The following COL15A1 variants were observed in gnomAD, a reference collection of about 807,000 sequenced individuals.
The protein encoded by COL15A1 is collagen type XV alpha 1 chain, also known as collagen alpha-1(XV) chain.
In COL15A1, 111 loss-of-function variants were observed where a neutral mutation model predicts 165.9. The ratio of observed to expected loss-of-function variants is 0.67; its 90% CI spans 0.57 to 0.78. The LOEUF (loss-of-function observed/expected upper bound fraction) is 0.78. Ranked by LOEUF, COL15A1 falls within the 30% of genes least tolerant of loss-of-function variation. COL15A1 has a pLI of 0.00. For synonymous variants in COL15A1, 659 were observed against 674.8 expected (o/e 0.98, Z 0.36); for missense variants, 1,745 against 1,789.7 (o/e 0.98, Z 0.45).
intron 5 of COL15A1, among the ~76,000 whole-genome samples, chr9:98,990,676 G>C (rs1838404485): frequency 6.6e-6 from 1 of 152,226 alleles, no homozygotes; most frequent in South Asian, 2.1e-4. Flanking sequence ...ATGATCACAG[G>C]GGACAGAAGT....
chr9:99,022,448 G>A (rs1178029699), intron 13 of COL15A1, among the ~76,000 whole-genome samples: 1 of 152,122 alleles, frequency 6.6e-6, no homozygotes, highest in African/African-American at 2.4e-5. Context: ...TCTGAGGATG[G>A]CACCCCATCT....
intron 16 of COL15A1, among the ~76,000 whole-genome samples, chr9:99,033,188 G>T (rs1270855509): frequency 6.6e-6 from 1 of 152,324 alleles, no homozygotes; most frequent in South Asian, 2.1e-4. Context: ...TCTGAGACAT[G>T]CAGGGTTCAG....
chr9:99,017,277 C>T (rs1258209538), intron 11 of COL15A1, among the ~76,000 whole-genome samples: 1 of 152,184 alleles, frequency 6.6e-6, no homozygotes, highest in African/African-American at 2.4e-5. Flanking sequence ...GGTAAAGTCA[C>T]CTGCCACTGT....
intron 28 of COL15A1, 24 bp downstream of exon 28, chr9:99,048,024 C>A: frequency 2.2e-6 from 3 of 1,381,688 alleles, no homozygotes; most frequent in Non-Finnish European, 3.0e-6. Context: ...GGGATGGAGC[C>A]GGAGGTTGGT....
intron 9 of COL15A1, among the ~76,000 whole-genome samples, chr9:99,010,233 T>G (rs1294675961): frequency 1.3e-5 from 2 of 152,254 alleles, no homozygotes; most frequent in East Asian, 3.8e-4. Context: ...TGTAACTTAA[T>G]GGCACAAGTA....
chr9:99,013,663 A>G (rs1838881975), intron 9 of COL15A1, among the ~76,000 whole-genome samples: 1 of 152,150 alleles, frequency 6.6e-6, no homozygotes, highest in South Asian at 2.1e-4. Context: ...CTCCCGGTAT[A>G]AGGTAATCTC....
chr9:99,022,172 G>C lies in COL15A1; in HGVS notation c.1761+22G>C, dbSNP rs113452506. ...CACGGTGAGATTCCCATCCAGGCTT[G>C]TCACACACACAGGTGTAAGACCAGG... On this transcript the variant is annotated intron_variant, in intron 13 of 41. Transcript: ENST00000375001. 11,716 of 1,614,102 alleles carry C rather than the reference G, an allele frequency of 7.3e-3. 61 individuals carry two copies. The highest frequency in any genetic ancestry group is 0.016 in the Middle Eastern group (99 of 6,058).
chr9:99,062,976 T>C, intron 38 of COL15A1, 74 bp from the exon 39 acceptor site: 1 of 1,514,534 alleles, frequency 6.6e-7, no homozygotes, highest in Non-Finnish European at 8.8e-7. Context: ...ACATTGCACT[T>C]GCACCTCAAT....
intron 24 of COL15A1, among the ~76,000 whole-genome samples, chr9:99,042,625 T>C (rs960524054): frequency 7.9e-5 from 12 of 152,228 alleles, no homozygotes; most frequent in Non-Finnish European, 1.6e-4. Flanking sequence ...CTGAATACAC[T>C]TGTTGGACGA....
intron 2 of COL15A1, among the ~76,000 whole-genome samples, chr9:98,944,723 G>A (rs573587270): frequency 6.6e-6 from 1 of 152,324 alleles, no homozygotes; most frequent in Non-Finnish European, 1.5e-5. Context: ...TGAATTGCTC[G>A]GTTGCTTAAC....
intron 27 of COL15A1, 30 bp from the exon 28 acceptor site, chr9:99,047,911 G>A (rs776769306): frequency 1.9e-6 from 3 of 1,609,168 alleles, no homozygotes; most frequent in Admixed American, 3.3e-5. Context: ...TGGGCGGAGG[G>A]TTTACTGAGG....
chr9:99,061,926 C>A, intron 36 of COL15A1, 45 bp from the exon 37 acceptor site: 1 of 1,587,156 alleles, frequency 6.3e-7, no homozygotes, highest in South Asian at 1.2e-5. Context: ...TGGTGCCATT[C>A]CTCTAATGAT....
chr9:99,024,682 T>C (rs1260971618), intron 14 of COL15A1, among the ~76,000 whole-genome samples, 192 bp from the exon 15 acceptor site: 1 of 152,244 alleles, frequency 6.6e-6, no homozygotes, highest in Non-Finnish European at 1.5e-5. Flanking sequence ...GTTCTGCTAC[T>C]AATTAGCTGT....
At chr9:98,988,993 T>C (rs1376421690) in intron 4 of COL15A1, among the ~76,000 whole-genome samples, 185 bp from the exon 5 acceptor site, 1 of 151,214 alleles carries the variant, frequency 6.6e-6, no homozygotes, top group Non-Finnish European at 1.5e-5. Flanking sequence ...GCACACACGC[T>C]GTCTCCTTAA....
intron 2 of COL15A1, among the ~76,000 whole-genome samples, chr9:98,973,060 G>A (rs1157973541): frequency 6.6e-6 from 1 of 152,196 alleles, no homozygotes; most frequent in East Asian, 1.9e-4. Flanking sequence ...GGATGCTTTG[G>A]AAACAGAAGA....
chr9:98,983,359 G>A (rs1032158954), intron 2 of COL15A1, among the ~76,000 whole-genome samples: 1 of 152,118 alleles, frequency 6.6e-6, no homozygotes, highest in Non-Finnish European at 1.5e-5. Context: ...AGACTAGGTG[G>A]AGCCCCACCC....
intron 2 of COL15A1, among the ~76,000 whole-genome samples, chr9:98,974,895 A>C (rs1005840711): frequency 5.3e-5 from 8 of 152,244 alleles, no homozygotes; most frequent in African/African-American, 1.9e-4. Context: ...GGTGCAGAGA[A>C]ACAGCAGAGG....
At chr9:99,026,809 T>C (rs896047782) in intron 16 of COL15A1, among the ~76,000 whole-genome samples, 2 of 152,166 alleles carry the variant, frequency 1.3e-5, no homozygotes, top group Non-Finnish European at 2.9e-5. Flanking sequence ...CATAGGAAGT[T>C]CCCATGCTAT....
At chr9:98,949,471 T>A (rs779327915) in intron 2 of COL15A1, among the ~76,000 whole-genome samples, 27 of 152,230 alleles carry the variant, frequency 1.8e-4, no homozygotes, top group South Asian at 4.2e-4. Flanking sequence ...GTCTTCTAAA[T>A]GGTTGTACAG....
Sources: gnomAD v4.1 joint callset for allele counts (sites outside exome capture counted in the v4.1 genomes callset) on GRCh38, gnomAD v4.1.1 for gene constraint, MANE v1.5 for transcripts, NCBI Gene and HGNC (gene_info 2026-07-23, HGNC 2026-07-21) for gene names.